The following RIC8B variants were observed in gnomAD, a reference collection of about 807,000 sequenced individuals.
The protein encoded by RIC8B is chaperone Ric-8B.
In RIC8B, 16 loss-of-function variants were observed where a neutral mutation model predicts 57.5. That is an observed-to-expected ratio of 0.28 (90% confidence interval 0.19 to 0.42). RIC8B has a LOEUF of 0.42. Ranked by LOEUF, RIC8B falls within the 10% of genes least tolerant of loss-of-function variation. RIC8B has a pLI of 1.00. For missense variants in RIC8B, 481 were observed against 677.0 expected (o/e 0.71, Z 3.21); for synonymous variants, 216 against 250.8 (o/e 0.86, Z 1.31).
chr12:106,882,836 G>T (rs913994133), intron 9 of RIC8B, among the ~76,000 whole-genome samples: 3 of 152,054 alleles, frequency 2.0e-5, no homozygotes, highest in Non-Finnish European at 4.4e-5. Flanking sequence ...TTTTAGTGGG[G>T]GTTGATACAA....
intron 9 of RIC8B, among the ~76,000 whole-genome samples, chr12:106,883,366 A>G (rs1951042114): frequency 6.6e-6 from 1 of 152,150 alleles, no homozygotes; most frequent in Admixed American, 6.5e-5. Flanking sequence ...TAGGTATGTA[A>G]TTTACGTCAG....
At chr12:106,884,962 T>G (rs1951108852) in intron 9 of RIC8B, among the ~76,000 whole-genome samples, 1 of 152,150 alleles carries the variant, frequency 6.6e-6, no homozygotes, top group Non-Finnish European at 1.5e-5. Flanking sequence ...GATGCCCATT[T>G]CTGTGATAAA....
chr12:106,876,636 G>A (rs991223449), intron 9 of RIC8B, among the ~76,000 whole-genome samples: 49 of 152,040 alleles, frequency 3.2e-4, no homozygotes, highest in African/African-American at 1.1e-3. Context: ...TAAGTAGGAC[G>A]TCATGCTACC....
chr12:106,841,286 T>G (rs1948932278), intron 4 of RIC8B, among the ~76,000 whole-genome samples: 1 of 152,220 alleles, frequency 6.6e-6, no homozygotes, highest in African/African-American at 2.4e-5. Flanking sequence ...TGATTCATTT[T>G]TTTGATGCCC....
chr12:106,844,916 C>T (rs529501949), intron 6 of RIC8B, among the ~76,000 whole-genome samples: 1 of 152,210 alleles, frequency 6.6e-6, no homozygotes, highest in Non-Finnish European at 1.5e-5. Context: ...GTAACAATAC[C>T]TGAAACTAGC....
At chr12:106,789,584 G>A (rs2044179916) in intron 2 of RIC8B, among the ~76,000 whole-genome samples, 1 of 152,082 alleles carries the variant, frequency 6.6e-6, no homozygotes, top group African/African-American at 2.4e-5. Flanking sequence ...GAGAGAATGA[G>A]ATAAACCCAT....
chr12:106,874,496 G>C, intron 9 of RIC8B: 2 of 1,551,290 alleles, frequency 1.3e-6, no homozygotes, highest in Non-Finnish European at 1.7e-6. Flanking sequence ...CAGATGTGAA[G>C]GACCTGCACC....
At chr12:106,780,046 T>A in intron 1 of RIC8B, among the ~76,000 whole-genome samples, 1 of 152,040 alleles carries the variant, frequency 6.6e-6, no homozygotes, top group East Asian at 1.9e-4. Flanking sequence ...GTAGAGAGAT[T>A]AGTTGCCATC....
chr12:106,776,150 T>C (rs747160926), intron 1 of RIC8B, among the ~76,000 whole-genome samples: 1 of 152,198 alleles, frequency 6.6e-6, no homozygotes, highest in African/African-American at 2.4e-5. Flanking sequence ...ATTTACGTTG[T>C]CCAACTCCAA....
intron 3 of RIC8B, among the ~76,000 whole-genome samples, chr12:106,824,129 G>A (rs1346287683): frequency 1.3e-5 from 2 of 152,078 alleles, no homozygotes; most frequent in Non-Finnish European, 2.9e-5. Flanking sequence ...TTTATCATTT[G>A]TTTCAGCTCT....
intron 2 of RIC8B, among the ~76,000 whole-genome samples, chr12:106,803,239 G>T (rs1329295654): frequency 2.5e-5 from 2 of 79,984 alleles, no homozygotes; most frequent in Admixed American, 1.2e-4. Context: ...AAAAAAAAAA[G>T]CAAGTTTCTT....
At chr12:106,799,832 T>C (rs1314812869) in intron 2 of RIC8B, among the ~76,000 whole-genome samples, 1 of 152,096 alleles carries the variant, frequency 6.6e-6, no homozygotes, top group Non-Finnish European at 1.5e-5. Flanking sequence ...ACAACTTAAC[T>C]TCCCTCTTTC....
intron 2 of RIC8B, among the ~76,000 whole-genome samples, chr12:106,789,616 A>G (rs983766489): frequency 1.3e-5 from 2 of 152,256 alleles, no homozygotes; most frequent in Admixed American, 1.3e-4. Context: ...AGACTAATTC[A>G]TTACCACGAG....
intron 4 of RIC8B, among the ~76,000 whole-genome samples, chr12:106,833,186 C>G (rs1446736534): frequency 6.6e-6 from 1 of 151,700 alleles, no homozygotes; most frequent in African/African-American, 2.4e-5. Flanking sequence ...TTACATATAC[C>G]TTATATATAT....
chr12:106,818,613 A>G (rs1025755846), intron 3 of RIC8B, among the ~76,000 whole-genome samples: 3 of 151,854 alleles, frequency 2.0e-5, no homozygotes, highest in African/African-American at 7.3e-5. Flanking sequence ...ACACTCGGCT[A>G]ATTGTTTTTT....
intron 2 of RIC8B, among the ~76,000 whole-genome samples, chr12:106,792,456 G>A (rs1266076097): frequency 6.6e-6 from 1 of 152,138 alleles, no homozygotes; most frequent in Non-Finnish European, 1.5e-5. Context: ...AGAGTTTCAG[G>A]TGCATTTTCT....
At chr12:106,822,097 A>C (rs1284335733) in intron 3 of RIC8B, among the ~76,000 whole-genome samples, 1 of 150,528 alleles carries the variant, frequency 6.6e-6, no homozygotes, top group East Asian at 2.0e-4. Flanking sequence ...AAAAAAAAAA[A>C]AAAAGAAGAA....
intron 7 of RIC8B, among the ~76,000 whole-genome samples, chr12:106,857,382 A>C (rs895605427): frequency 6.6e-6 from 1 of 152,128 alleles, no homozygotes; most frequent in Admixed American, 6.5e-5. Flanking sequence ...GCAAAAACGT[A>C]TTGCTTTTAT....
rs1426824433 is a variant in RIC8B at position 106,847,244 on chromosome 12, TA to T, written c.1161+3298del. Among the ~76,000 whole-genome samples, 4 of 152,258 alleles carry T rather than the reference TA, an allele frequency of 2.6e-5. No homozygotes were observed. The East Asian group carries it at 7.7e-4, about 29-fold the overall frequency. On this transcript the variant is annotated intron_variant, in intron 6 of 9. Coordinates refer to ENST00000392837, the MANE Select transcript of RIC8B (RefSeq NM_001330145.2). ...AAAAAATTTGTTGGAGGTAGTATTC[TA>T]GGGGGAAATACATAGGCAGTTTGGG...
Sources: gnomAD v4.1 joint callset for allele counts (sites outside exome capture counted in the v4.1 genomes callset) on GRCh38, gnomAD v4.1.1 for gene constraint, MANE v1.5 for transcripts, NCBI Gene and HGNC (gene_info 2026-07-23, HGNC 2026-07-21) for gene names.